The following CISD1 variants were observed in gnomAD, a reference collection of about 807,000 sequenced individuals.
The protein encoded by CISD1 is CDGSH iron sulfur domain 1.
A neutral mutation model predicts 12.0 loss-of-function variants in CISD1; 8 were observed. That is an observed-to-expected ratio of 0.67 (90% confidence interval 0.39 to 1.20). The LOEUF is 1.20. Ranked by LOEUF, CISD1 falls within the 50% of genes most tolerant of loss-of-function variation. The pLI, the probability that CISD1 is intolerant of heterozygous loss-of-function variation, is 0.01. For missense variants in CISD1, 107 were observed against 132.7 expected (o/e 0.81, Z 0.95); for synonymous variants, 38 against 42.2 (o/e 0.90, Z 0.39).
intron 2 of CISD1, among the ~76,000 whole-genome samples, chr10:58,282,022 C>T (rs1284055074): frequency 4.0e-5 from 6 of 150,736 alleles, no homozygotes. Context: ...AGTACAGTGT[C>T]GTGATCTCAG....
Position 58,277,196 on chromosome 10 carries a change from A to G in CISD1, c.111A>G (p.Lys37=). The stretch of plus-strand genomic sequence containing the variant: ...TAGCTTACAAAAGATTTTATGTTAA[A>G]GATCATCGAAATAAAGCTATGATAA... The part of the protein sequence containing the change: ...GYLAYKRFYV[K]DHRNKAMINL... The change falls in exon 2 of 3, where the codon AAA becomes AAG. Residue 37 remains lysine, a synonymous_variant. Coordinates refer to ENST00000333926, the MANE Select transcript of CISD1 (RefSeq NM_018464.5). 4 of 1,613,160 alleles carry G rather than the reference A, an allele frequency of 2.5e-6. 1 individual carries two copies. Among genetic ancestry groups the G allele is most frequent in the Middle Eastern group, 1.7e-4 (1 of 6,050 alleles).
intron 2 of CISD1, among the ~76,000 whole-genome samples, chr10:58,283,784 G>T (rs759487205): frequency 2.0e-4 from 31 of 152,250 alleles, no homozygotes; most frequent in Admixed American, 9.8e-4. Flanking sequence ...CACTTTTAAA[G>T]ATATTTGGGA....
At chr10:58,270,341 GATT>G (rs1240846882) in intron 1 of CISD1, among the ~76,000 whole-genome samples, 4 of 152,142 alleles carry the variant, frequency 2.6e-5, no homozygotes, top group Non-Finnish European at 5.9e-5. Flanking sequence ...ATGATATAGA[GATT>G]ATTATTTGCA....
Position 58,277,209 on chromosome 10 carries a change from A to G in CISD1, c.124A>G (p.Lys42Glu). The change falls in exon 2 of 3, where the codon AAA becomes GAA. Residue 42 changes from lysine to glutamate, a missense_variant. By Grantham distance (56) the Lys-to-Glu change is moderately conservative. Coordinates refer to ENST00000333926, the MANE Select transcript of CISD1 (RefSeq NM_018464.5). ...ATTTTATGTTAAAGATCATCGAAAT[A>G]AAGCTATGATAAACCTTCACATCCA... Reference protein sequence around the residue: ...KRFYVKDHRNKAMINLHIQKD... With the variant: ...KRFYVKDHRNEAMINLHIQKD... 6.2e-7 allele frequency: 1 copy of G among 1,613,314 alleles called. No homozygotes were observed. The highest frequency in any genetic ancestry group is 2.2e-5 in the East Asian group (1 of 44,850).
At chr10:58,286,454 C>T (rs1162690693) in intron 2 of CISD1, among the ~76,000 whole-genome samples, 1 of 152,140 alleles carries the variant, frequency 6.6e-6, no homozygotes, top group East Asian at 1.9e-4. Flanking sequence ...AAAGTGTGCT[C>T]TACAGAAAAC....
chr10:58,288,444 A>G lies in CISD1; in HGVS notation c.*794A>G, dbSNP rs1839453264. The G allele has an allele frequency of 6.6e-6, 1 of 152,312 alleles. No individual in the cohort carries two copies. The highest frequency in any genetic ancestry group is 2.1e-4 in the South Asian group (1 of 4,828). The allele number at this position is 152,312 out of a possible 1,614,324, so 9.4% of individuals were successfully genotyped here. ...GAGGATTTTGAAGGAATTGGAACAT[A>G]TAATGTCAAGTCTTTTGATCACTAA... On this transcript the variant is annotated 3_prime_UTR_variant, in exon 3 of 3. Transcript: ENST00000333926.
chr10:58,274,148 AG>A (rs1839283965), intron 1 of CISD1, among the ~76,000 whole-genome samples: 1 of 152,198 alleles, frequency 6.6e-6, no homozygotes, highest in African/African-American at 2.4e-5. Flanking sequence ...AAAAGAAAAA[AG>A]AAAAAAGAAT....
At chr10:58,269,413 A>G in intron 1 of CISD1, 109 bp downstream of exon 1, 1 of 994,284 alleles carries the variant, frequency 1.0e-6, no homozygotes, top group South Asian at 1.5e-5. Context: ...CGGTCCTATA[A>G]CCTTGAGATG....
At chr10:58,285,420 A>T (rs929061077) in intron 2 of CISD1, among the ~76,000 whole-genome samples, 5 of 152,326 alleles carry the variant, frequency 3.3e-5, no homozygotes, top group African/African-American at 1.2e-4. Context: ...GTAATGAGGT[A>T]CTTGTTACTC....
chr10:58,276,063 G>A (rs1195075642), intron 1 of CISD1: 5 of 152,200 alleles, frequency 3.3e-5, no homozygotes, highest in Admixed American at 3.3e-4. Context: ...CTCAGGAAGT[G>A]CTGGGAAGGA....
chr10:58,277,454 C>G (rs1839328069), intron 2 of CISD1, 132 bp downstream of exon 2: 1 of 660,542 alleles, frequency 1.5e-6, no homozygotes, highest in Admixed American at 3.7e-5. Context: ...GAGTCTTGCT[C>G]TGTCATCCAG....
Position 58,269,217 on chromosome 10 carries a change from G to T in CISD1, c.-57G>T, listed in dbSNP as rs1006184857. 21 of 1,583,192 alleles carry T rather than the reference G, an allele frequency of 1.3e-5. No homozygotes were observed. Among genetic ancestry groups the T allele is most frequent in the Non-Finnish European group, 1.8e-5 (21 of 1,162,426 alleles). ...GCTGGCACCTTTACTCTCGCCGGCC[G>T]CGCGAACCCGTTTGAGCTCGGTATC... On this transcript the variant is annotated 5_prime_UTR_variant, in exon 1 of 3. Coordinates refer to ENST00000333926, the MANE Select transcript of CISD1 (RefSeq NM_018464.5).
chr10:58,282,976 C>CT, intron 2 of CISD1: 1 of 152,228 alleles, frequency 6.6e-6, no homozygotes, highest in Non-Finnish European at 1.5e-5. Context: ...AGAATACAGA[C>CT]TAAGAAGAAA....
chr10:58,277,293 G>T lies in CISD1; in HGVS notation c.208G>T (p.Val70Leu). Residue 70 changes from valine to leucine, a missense_variant, in exon 2 of 3, where the codon GTG becomes TTG. Coordinates refer to ENST00000333926, the MANE Select transcript of CISD1 (RefSeq NM_018464.5). ...CATGGAGGATTTGGGAGATAAAGCT[G>T]TGTACTGCCGTTGTTGGAGGTCCAA... ...FDMEDLGDKA[V>L]YCRCWRSKKF... 6.3e-7 allele frequency: 1 copy of T among 1,598,782 alleles called. No individual in the cohort carries two copies. The highest frequency in any genetic ancestry group is 8.5e-7 in the Non-Finnish European group (1 of 1,173,514).
At chr10:58,279,141 G>A (rs895642752) in intron 2 of CISD1, among the ~76,000 whole-genome samples, 2 of 152,134 alleles carry the variant, frequency 1.3e-5, no homozygotes, top group Admixed American at 6.5e-5. Context: ...TGACACCTTT[G>A]CTTTCTGATG....
intron 2 of CISD1, among the ~76,000 whole-genome samples, chr10:58,287,210 C>T (rs1370481022): frequency 6.6e-6 from 1 of 152,176 alleles, no homozygotes; most frequent in African/African-American, 2.4e-5. Flanking sequence ...CATGAGCCAT[C>T]GCGCCTGGCC....
intron 2 of CISD1, among the ~76,000 whole-genome samples, chr10:58,286,905 G>T (rs528366770): frequency 2.1e-4 from 32 of 152,256 alleles, no homozygotes; most frequent in Middle Eastern, 3.4e-3. Context: ...AAAGACTGCT[G>T]CAAAAATAAC....
intron 2 of CISD1, among the ~76,000 whole-genome samples, chr10:58,279,093 A>G (rs142962135): frequency 5.2e-4 from 79 of 152,360 alleles, no homozygotes; most frequent in Middle Eastern, 6.8e-3. Flanking sequence ...TGGTGATACA[A>G]GATAACCACA....
At chr10:58,279,370 T>C (rs1452576605) in intron 2 of CISD1, among the ~76,000 whole-genome samples, 1 of 152,154 alleles carries the variant, frequency 6.6e-6, no homozygotes, top group Admixed American at 6.5e-5. Context: ...TTTCTTTTCA[T>C]TTTTATGAAA....
Sources: allele counts gnomAD v4.1 joint callset (sites outside exome capture counted in the v4.1 genomes callset), GRCh38; gene constraint gnomAD v4.1.1; transcripts MANE v1.5; gene names NCBI Gene and HGNC (gene_info 2026-07-23, HGNC 2026-07-21).